The following DPYD variants were observed in gnomAD, a reference collection of about 807,000 sequenced individuals.
DPYD encodes the protein dihydropyrimidine dehydrogenase [NADP(+)].
In DPYD, 109 loss-of-function variants were observed where a neutral mutation model predicts 116.2. The ratio of observed to expected loss-of-function variants is 0.94; its 90% CI spans 0.80 to 1.10. The LOEUF (loss-of-function observed/expected upper bound fraction) is 1.10. DPYD is among the 50% of genes least tolerant of loss of function. The pLI is 0.00. For synonymous variants in DPYD, 440 were observed against 432.0 expected, an observed-to-expected ratio of 1.02 and a Z score of -0.23; for missense variants, 1,302 against 1,254.5, an observed-to-expected ratio of 1.04 and a Z score of -0.57.
At chr1:97,558,581 T>C (rs1363019231) in intron 11 of DPYD, among the ~76,000 whole-genome samples, 1 of 152,184 alleles carries the variant, frequency 6.6e-6, no homozygotes, top group African/African-American at 2.4e-5. Flanking sequence ...AATTTTCAGT[T>C]TGAATATGCT....
rs148321627 is a variant in DPYD at position 97,425,751 on chromosome 1, C to T, written c.1905+24308G>A. Among the ~76,000 whole-genome samples the T allele has an allele frequency of 1.1e-3, 160 of 152,152 alleles. 3 individuals carry two copies. The highest frequency in any genetic ancestry group is 9.8e-3 in the Admixed American group (149 of 15,252). ...AATCCCCCAACTCTGGTCAATTCCC[C>T]TGCATAGGATTGTAAACAAGTTCAC... On this transcript the variant is annotated intron_variant, in intron 14 of 22. Transcript: ENST00000370192.
intron 15 of DPYD, among the ~76,000 whole-genome samples, chr1:97,378,394 T>A (rs1177885895): frequency 6.6e-6 from 1 of 152,200 alleles, no homozygotes; most frequent in Non-Finnish European, 1.5e-5. Flanking sequence ...CAGATTCAGG[T>A]AAAGAAACTG....
chr1:97,275,211 C>T (rs1664859162), intron 18 of DPYD, among the ~76,000 whole-genome samples: 1 of 152,130 alleles, frequency 6.6e-6, no homozygotes, highest in African/African-American at 2.4e-5. Flanking sequence ...CATGGAATAC[C>T]ATGACTAGGT....
chr1:97,259,969 A>G (rs1663771538), intron 18 of DPYD, among the ~76,000 whole-genome samples: 2 of 152,094 alleles, frequency 1.3e-5, no homozygotes, highest in South Asian at 4.2e-4. Flanking sequence ...TGAATGGCAT[A>G]TAATGCAATG....
intron 16 of DPYD, among the ~76,000 whole-genome samples, chr1:97,365,861 T>C (rs1394250730): frequency 6.6e-6 from 1 of 152,120 alleles, no homozygotes; most frequent in Non-Finnish European, 1.5e-5. Flanking sequence ...CTCAAACTCC[T>C]TAGCTCAAGC....
At chr1:97,415,241 A>G (rs1345740022) in intron 14 of DPYD, among the ~76,000 whole-genome samples, 1 of 152,216 alleles carries the variant, frequency 6.6e-6, no homozygotes, top group Admixed American at 6.5e-5. Flanking sequence ...TCTTAATTTA[A>G]GCAACTGTTG....
intron 10 of DPYD, among the ~76,000 whole-genome samples, chr1:97,588,639 A>G (rs981186878): frequency 2.6e-5 from 4 of 152,112 alleles, no homozygotes; most frequent in Non-Finnish European, 5.9e-5. Context: ...AAAGTACTGG[A>G]GGGAATTATT....
In DPYD at chr1:97,688,569, AT is replaced by A; in HGVS notation, c.762+3147del. 5.3e-5 allele frequency among the ~76,000 whole-genome samples: 8 copies of A among 152,254 alleles called. 1 individual carries two copies. The South Asian group carries it at 1.7e-3, about 32-fold the overall frequency. ...AGTAAAAAAGATGTCTCAAGATAAT[AT>A]TCTTACCAATGAGAAAATAATAAAA... On this transcript the variant is annotated intron_variant, in intron 7 of 22. Transcript: ENST00000370192.
intron 8 of DPYD, among the ~76,000 whole-genome samples, chr1:97,648,167 A>C (rs1383338753): frequency 6.6e-6 from 1 of 152,042 alleles, no homozygotes; most frequent in Admixed American, 6.6e-5. Flanking sequence ...AGAAAACCAT[A>C]CTGATAGCCT....
intron 3 of DPYD, among the ~76,000 whole-genome samples, chr1:97,810,773 G>T (rs951297744): frequency 6.6e-6 from 1 of 151,932 alleles, no homozygotes; most frequent in Non-Finnish European, 1.5e-5. Flanking sequence ...TACAATTATG[G>T]TGATATATCT....
At position 97,625,317 on chromosome 1, in the gene DPYD, G is replaced by T. The variant is rs562183507; in HGVS notation, c.851-30151C>A. ...TTCTAATTGGAAGGATTACATGTAAGAAGAATTTCTGAACAAGAGTCTGCC... is the reference window on the plus strand; with the variant it reads ...TTCTAATTGGAAGGATTACATGTAATAAGAATTTCTGAACAAGAGTCTGCC... On this transcript the variant is annotated intron_variant, in intron 8 of 22. Transcript: ENST00000370192. Among the ~76,000 whole-genome samples the T allele has an allele frequency of 8.7e-3, 1,320 of 152,086 alleles. 20 individuals carry two copies. The highest frequency in any genetic ancestry group is 0.029 in the African/African-American group (1,220 of 41,518).
At chr1:97,660,202 A>G (rs983676601) in intron 8 of DPYD, among the ~76,000 whole-genome samples, 10 of 152,162 alleles carry the variant, frequency 6.6e-5, no homozygotes, top group Admixed American at 2.6e-4. Context: ...AGTATTATTT[A>G]TAGCTGGATA....
In DPYD at chr1:97,333,560, G is replaced by A. The variant is rs149533292; in HGVS notation, c.2059-27263C>T. Among the ~76,000 whole-genome samples, 240 of 128,390 alleles carry A rather than the reference G, an allele frequency of 1.9e-3. 6 individuals are homozygous for A. The East Asian group carries it at 0.047, about 25-fold the overall frequency. The allele number at this position is 128,390 out of a possible 152,430, so 84.2% of individuals were successfully genotyped here. A position where few individuals can be genotyped will look rare whatever the true frequency, so the allele number is the denominator to read the frequency against. On this transcript the variant is annotated intron_variant, in intron 16 of 22. Transcript: ENST00000370192. ...TTTTGAGATGGAGTCTCACACTGTCGTACAGGCTGGAGTGCAATGGCAAGA... is the reference window on the plus strand; with the variant it reads ...TTTTGAGATGGAGTCTCACACTGTCATACAGGCTGGAGTGCAATGGCAAGA...
chr1:97,815,578 A>C (rs1571404835), intron 3 of DPYD, among the ~76,000 whole-genome samples: 1 of 152,272 alleles, frequency 6.6e-6, no homozygotes, highest in East Asian at 1.9e-4. Flanking sequence ...AACACAGAGC[A>C]CTCTCACTGA....
chr1:97,777,903 A>C (rs1666508149), intron 3 of DPYD, among the ~76,000 whole-genome samples: 1 of 151,998 alleles, frequency 6.6e-6, no homozygotes, highest in Non-Finnish European at 1.5e-5. Context: ...TCACACCTGT[A>C]ATCAAGCACT....
At chr1:97,768,381 G>A (rs919498081) in intron 3 of DPYD, among the ~76,000 whole-genome samples, 12 of 152,160 alleles carry the variant, frequency 7.9e-5, no homozygotes, top group South Asian at 6.2e-4. Context: ...TTATTTCAAC[G>A]TGAATTGATT....
At chr1:97,690,193 C>T (rs922959754) in intron 7 of DPYD, among the ~76,000 whole-genome samples, 5 of 152,002 alleles carry the variant, frequency 3.3e-5, no homozygotes, top group South Asian at 2.1e-4. Flanking sequence ...TTTTGAACAA[C>T]GTTCTAGATA....
chr1:97,911,539 C>G (rs1376676534), intron 1 of DPYD, among the ~76,000 whole-genome samples: 1 of 151,408 alleles, frequency 6.6e-6, no homozygotes, highest in Non-Finnish European at 1.5e-5. Context: ...TGTGTTGAGT[C>G]AAAAGTAGTT....
intron 1 of DPYD, among the ~76,000 whole-genome samples, chr1:97,897,395 C>T (rs1174844812): frequency 3.3e-5 from 5 of 151,770 alleles, no homozygotes; most frequent in Non-Finnish European, 5.9e-5. Flanking sequence ...TATATTTCTT[C>T]TGCTTAGGTT....
Sources: allele counts gnomAD v4.1 joint callset (sites outside exome capture counted in the v4.1 genomes callset), GRCh38; gene constraint gnomAD v4.1.1; transcripts MANE v1.5; gene names NCBI Gene and HGNC (gene_info 2026-07-23, HGNC 2026-07-21).